FGF14: variants seen among roughly 807,000 people sequenced by gnomAD.
FGF14 encodes fibroblast growth factor homologous factor 4.
FGF14 carries 5 observed loss-of-function variants against 25.5 expected under a neutral mutation model. The ratio of observed to expected loss-of-function variants is 0.20; its 90% CI spans 0.10 to 0.41. FGF14 has a LOEUF of 0.41. FGF14 is among the 10% of genes least tolerant of loss of function. FGF14 has a pLI of 1.00. For missense variants in FGF14, 222 were observed against 320.1 expected (o/e 0.69, Z 2.34); for synonymous variants, 138 against 118.3 (o/e 1.17, Z -1.08).
chr13:102,379,903 C>T (rs751721730), intron 1 of FGF14, among the ~76,000 whole-genome samples: 6 of 152,228 alleles, frequency 3.9e-5, no homozygotes, highest in South Asian at 2.1e-4. Flanking sequence ...CACTGGAAAG[C>T]CAGCTAGGTC....
intron 3 of FGF14, among the ~76,000 whole-genome samples, chr13:101,804,552 G>A (rs2041091722): frequency 6.6e-6 from 1 of 152,106 alleles, no homozygotes; most frequent in Non-Finnish European, 1.5e-5. Context: ...ATAAGCATCT[G>A]CACTTAAATC....
intron 1 of FGF14, among the ~76,000 whole-genome samples, chr13:102,173,475 G>A (rs559938101): frequency 1.3e-5 from 2 of 152,266 alleles, no homozygotes; most frequent in African/African-American, 4.8e-5. Context: ...TCCCACTATT[G>A]AGTATTAATC....
At chr13:102,208,540 G>T (rs2050034059) in intron 1 of FGF14, among the ~76,000 whole-genome samples, 1 of 152,146 alleles carries the variant, frequency 6.6e-6, no homozygotes, top group African/African-American at 2.4e-5. Flanking sequence ...CATTATTCAT[G>T]AACTGTAGTT....
At chr13:102,396,192 C>T (rs2058578683) in intron 1 of FGF14, among the ~76,000 whole-genome samples, 1 of 152,130 alleles carries the variant, frequency 6.6e-6, no homozygotes, top group Non-Finnish European at 1.5e-5. Flanking sequence ...GTTTCCCTGT[C>T]CCTATTTACA....
chr13:102,325,602 G>C (rs1343696376), intron 1 of FGF14, among the ~76,000 whole-genome samples: 1 of 152,092 alleles, frequency 6.6e-6, no homozygotes, highest in Admixed American at 6.6e-5. Flanking sequence ...TCCTTCAAGA[G>C]GCCTGCACTG....
At chr13:102,364,959 G>T (rs985918437) in intron 1 of FGF14, among the ~76,000 whole-genome samples, 4 of 152,184 alleles carry the variant, frequency 2.6e-5, no homozygotes, top group African/African-American at 9.7e-5. Flanking sequence ...TAAGTGGGAT[G>T]CAGAGTTAGC....
chr13:102,000,427 A>G (rs1207134071), intron 1 of FGF14, among the ~76,000 whole-genome samples: 5 of 152,214 alleles, frequency 3.3e-5, no homozygotes, highest in African/African-American at 4.8e-5. Context: ...TATGATGCAA[A>G]TATCTGTAAA....
chr13:102,152,542 A>G (rs1225852427), intron 1 of FGF14, among the ~76,000 whole-genome samples: 7 of 152,196 alleles, frequency 4.6e-5, no homozygotes, highest in African/African-American at 1.2e-4. Context: ...CTTAATACCT[A>G]TCTCCGAATA....
intron 1 of FGF14, among the ~76,000 whole-genome samples, chr13:101,959,150 C>G (rs1409092887): frequency 6.6e-6 from 1 of 152,150 alleles, no homozygotes; most frequent in Non-Finnish European, 1.5e-5. Flanking sequence ...CCCTCGCATG[C>G]ACAGTTCACA....
intron 1 of FGF14, among the ~76,000 whole-genome samples, chr13:101,907,437 T>G (rs1418923521): frequency 2.0e-5 from 3 of 152,186 alleles, no homozygotes; most frequent in South Asian, 2.1e-4. Context: ...TTTACCACTT[T>G]GTAGTAAAAA....
chr13:101,854,161 C>A (rs2044004655), intron 3 of FGF14, among the ~76,000 whole-genome samples: 1 of 152,014 alleles, frequency 6.6e-6, no homozygotes, highest in Non-Finnish European at 1.5e-5. Context: ...TGTGTGCGTA[C>A]AATTTAGAAG....
chr13:102,383,264 G>C (rs891547383), intron 1 of FGF14, among the ~76,000 whole-genome samples: 1 of 151,944 alleles, frequency 6.6e-6, no homozygotes, highest in Admixed American at 6.6e-5. Flanking sequence ...AATTATTTTA[G>C]ATTTCTTAAA....
chr13:101,806,483 TTTG>T (rs1247856155), intron 3 of FGF14, among the ~76,000 whole-genome samples: 35 of 152,092 alleles, frequency 2.3e-4, no homozygotes, highest in Non-Finnish European at 4.3e-4. Flanking sequence ...AATTTTTTTT[TTTG>T]TTTTCATTCC....
intron 1 of FGF14, among the ~76,000 whole-genome samples, chr13:102,330,318 T>A (rs2138829974): frequency 6.6e-6 from 1 of 152,270 alleles, no homozygotes; most frequent in Non-Finnish European, 1.5e-5. Context: ...CCTATTATTG[T>A]GAACCAATTT....
intron 1 of FGF14, among the ~76,000 whole-genome samples, chr13:102,277,222 C>T (rs967883705): frequency 6.6e-6 from 1 of 152,186 alleles, no homozygotes; most frequent in African/African-American, 2.4e-5. Context: ...TCACTATTCA[C>T]TTTATATTCC....
At position 102,349,851 on chromosome 13, in the gene FGF14, CA is replaced by C. The variant is rs1436553471; in HGVS notation, c.208+51619del. Among the ~76,000 whole-genome samples, 4 of 152,140 alleles carry C rather than the reference CA, an allele frequency of 2.6e-5. No individual in the cohort carries two copies. The East Asian group carries it at 7.7e-4, about 29-fold the overall frequency. The stretch of plus-strand genomic sequence containing the variant: ...GTGCAACAAATCTATAAATATTTTT[CA>C]AATATTACTTTCACTAATCAGTAGT... On this transcript the variant is annotated intron_variant, in intron 1 of 4. Coordinates refer to the FGF14 transcript ENST00000376131.
chr13:101,710,880 A>T lies in FGF14; in HGVS notation c.*11951T>A, dbSNP rs913647593. On this transcript the variant is annotated 3_prime_UTR_variant, in exon 5 of 5. Transcript: ENST00000376143. ...TAAATCACTCCATAGAAAAATTTAA[A>T]ACAAGATACATTCTTGTGACCTTCA... 1.1e-4 allele frequency: 17 copies of T among 152,216 alleles called. No individual in the cohort carries two copies. Among genetic ancestry groups the T allele is most frequent in the African/African-American group, 3.9e-4 (16 of 41,466 alleles). The allele number at this position is 152,216 out of a possible 1,614,324, so 9.4% of individuals were successfully genotyped here.
At chr13:101,796,136 G>A (rs2040507484) in intron 3 of FGF14, among the ~76,000 whole-genome samples, 1 of 152,028 alleles carries the variant, frequency 6.6e-6, no homozygotes, top group African/African-American at 2.4e-5. Context: ...AAGTTCCACT[G>A]AGTGGTCATG....
intron 1 of FGF14, among the ~76,000 whole-genome samples, chr13:102,334,866 A>G (rs1403813430): frequency 3.3e-5 from 5 of 152,180 alleles, no homozygotes; most frequent in African/African-American, 7.2e-5. Context: ...TCTGGGATCT[A>G]GGACCATTTC....
Sources: gnomAD v4.1 joint callset for allele counts (sites outside exome capture counted in the v4.1 genomes callset) on GRCh38, gnomAD v4.1.1 for gene constraint, MANE v1.5 for transcripts, NCBI Gene and HGNC (gene_info 2026-07-23, HGNC 2026-07-21) for gene names.